Variants in DLGAP1 observed in about 807,000 individuals in gnomAD.
DLGAP1 encodes the protein DLG associated protein 1, also known as disks large-associated protein 1.
A neutral mutation model predicts 90.8 loss-of-function variants in DLGAP1; 11 were observed. The observed-to-expected ratio is 0.12, with a 90% CI of 0.08 to 0.20. The LOEUF is 0.20. Ranked by LOEUF, DLGAP1 falls within the 10% of genes least tolerant of loss-of-function variation. The pLI, the probability that DLGAP1 is intolerant of heterozygous loss-of-function variation, is 1.00. For missense variants in DLGAP1, 1,050 were observed against 1,333.8 expected (o/e 0.79, Z 3.31); for synonymous variants, 558 against 540.7 (o/e 1.03, Z -0.44).
At chr18:4,369,133 G>C (rs904977288) in intron 1 of DLGAP1, among the ~76,000 whole-genome samples, 1 of 152,174 alleles carries the variant, frequency 6.6e-6, no homozygotes, top group Admixed American at 6.5e-5. Context: ...GCCAGAAATA[G>C]AGCTGCCTCT....
At chr18:3,514,302 C>G (rs2050706206) in intron 10 of DLGAP1, among the ~76,000 whole-genome samples, 2 of 152,096 alleles carry the variant, frequency 1.3e-5, no homozygotes, top group South Asian at 4.1e-4. Flanking sequence ...TTACATGATG[C>G]TACACCTAAC....
At chr18:3,643,486 AC>A (rs1016499470) in intron 7 of DLGAP1, among the ~76,000 whole-genome samples, 1 of 151,940 alleles carries the variant, frequency 6.6e-6, no homozygotes, top group Non-Finnish European at 1.5e-5. Context: ...ACACGGTGAA[AC>A]CTCGTCTCTA....
rs538779684 is a variant in DLGAP1, at chr18:3,672,856, C to T, written c.1591+56279G>A. ...ACTGTAGTTCTACTTTCTCCCTGGC[C>T]ACCTCCCCTGGTGGATTCCTACACC... On this transcript the variant is annotated intron_variant, in intron 7 of 12. Transcript: ENST00000315677. Among the ~76,000 whole-genome samples, 3 of 152,250 alleles carry T rather than the reference C, an allele frequency of 2.0e-5. No homozygotes were observed. In the East Asian group the frequency reaches 5.8e-4, roughly 29 times the overall value.
intron 1 of DLGAP1, among the ~76,000 whole-genome samples, chr18:4,320,674 C>T (rs1327114872): frequency 2.0e-5 from 3 of 151,530 alleles, no homozygotes; most frequent in Non-Finnish European, 4.4e-5. Flanking sequence ...GTTGCCCTTT[C>T]CAAGCTTTAA....
chr18:3,695,537 C>T (rs1185645284), intron 7 of DLGAP1, among the ~76,000 whole-genome samples: 2 of 152,034 alleles, frequency 1.3e-5, no homozygotes, highest in Non-Finnish European at 2.9e-5. Context: ...ATTTCTGAGG[C>T]TTCTGTTGTG....
At chr18:3,514,267 C>G (rs1231354171) in intron 10 of DLGAP1, among the ~76,000 whole-genome samples, 1 of 152,030 alleles carries the variant, frequency 6.6e-6, no homozygotes. Flanking sequence ...CCACTGTGCC[C>G]TGCCTCTCTG....
intron 7 of DLGAP1, among the ~76,000 whole-genome samples, chr18:3,676,901 G>GT (rs2060324308): frequency 6.6e-6 from 1 of 152,094 alleles, no homozygotes; most frequent in Admixed American, 6.5e-5. Context: ...AATGTTCTCA[G>GT]TTTTCATGTG....
chr18:3,568,633 ATG>A (rs1252902824), intron 8 of DLGAP1, among the ~76,000 whole-genome samples: 3 of 152,102 alleles, frequency 2.0e-5, no homozygotes, highest in Admixed American at 1.3e-4. Flanking sequence ...CAATTATTTG[ATG>A]TATATTTGTC....
intron 5 of DLGAP1, among the ~76,000 whole-genome samples, chr18:3,759,265 A>C (rs1165621921): frequency 6.6e-6 from 1 of 151,894 alleles, no homozygotes; most frequent in Non-Finnish European, 1.5e-5. Flanking sequence ...GCCAAAAAAA[A>C]AAAAAAACAA....
chr18:4,422,201 G>A (rs281008), intron 1 of DLGAP1, among the ~76,000 whole-genome samples: 142,033 of 151,492 alleles, frequency 0.94, 67,226 homozygotes, highest in East Asian at 1. Flanking sequence ...ATATAAACAA[G>A]TGTATATATA....
intron 7 of DLGAP1, among the ~76,000 whole-genome samples, chr18:3,666,465 G>A (rs1567927726): frequency 6.6e-6 from 1 of 152,148 alleles, no homozygotes; most frequent in Non-Finnish European, 1.5e-5. Flanking sequence ...CCTGGCGTTT[G>A]TGTGCTGTCA....
chr18:4,381,148 C>T (rs985824312), intron 1 of DLGAP1, among the ~76,000 whole-genome samples: 1 of 152,060 alleles, frequency 6.6e-6, no homozygotes, highest in Admixed American at 6.6e-5. Flanking sequence ...AAAAGACTTC[C>T]CCATGTTAAA....
At chr18:3,986,026 G>C (rs542685460) in intron 3 of DLGAP1, 1 of 152,156 alleles carries the variant, frequency 6.6e-6, no homozygotes, top group South Asian at 2.1e-4. Context: ...TGCTTTGCTT[G>C]TTCTTATAAC....
rs12327388 is a variant in DLGAP1, at chr18:4,379,093, C to G, written c.-267+75913G>C. ...TTAACTAACAGAGTCAAGACTGAAT[C>G]AATTACTAGTAGTTCTTGGAGCTGG... On this transcript the variant is annotated intron_variant, in intron 1 of 12. Transcript: ENST00000315677. Among the ~76,000 whole-genome samples the G allele has an allele frequency of 3.8e-3, 578 of 152,250 alleles. 1 individual carries two copies. Among genetic ancestry groups the G allele is most frequent in the African/African-American group, 0.013 (560 of 41,560 alleles).
intron 9 of DLGAP1, 89 bp downstream of exon 9, chr18:3,567,401 T>C (rs1002884402): frequency 8.9e-7 from 1 of 1,121,682 alleles, no homozygotes; most frequent in Non-Finnish European, 1.3e-6. Flanking sequence ...GAAAATATCA[T>C]TGAATTTTGT....
At chr18:4,130,987 T>A (rs1352506347) in intron 2 of DLGAP1, among the ~76,000 whole-genome samples, 1 of 152,148 alleles carries the variant, frequency 6.6e-6, no homozygotes, top group African/African-American at 2.4e-5. Context: ...TTGCATATAA[T>A]TGTATTAAAA....
intron 5 of DLGAP1, among the ~76,000 whole-genome samples, chr18:3,779,536 C>T (rs962277605): frequency 7.9e-5 from 12 of 152,110 alleles, no homozygotes; most frequent in African/African-American, 2.7e-4. Context: ...ACAAGAAAGA[C>T]GACACTTGAT....
intron 1 of DLGAP1, among the ~76,000 whole-genome samples, chr18:4,196,811 G>A (rs1373971631): frequency 1.3e-5 from 2 of 151,826 alleles, no homozygotes; most frequent in Non-Finnish European, 2.9e-5. Flanking sequence ...ACATTTTTGT[G>A]ACACATCTTA....
chr18:3,578,467 C>T (rs1341739185), intron 8 of DLGAP1, among the ~76,000 whole-genome samples: 2 of 151,814 alleles, frequency 1.3e-5, no homozygotes, highest in Non-Finnish European at 2.9e-5. Context: ...AGTGATTCTC[C>T]TGCCTCAGCC....
Sources: allele counts gnomAD v4.1 joint callset (sites outside exome capture counted in the v4.1 genomes callset), GRCh38; gene constraint gnomAD v4.1.1; transcripts MANE v1.5; gene names NCBI Gene and HGNC (gene_info 2026-07-23, HGNC 2026-07-21).